MEGF10: variants seen among roughly 807,000 people sequenced by gnomAD.
MEGF10 encodes the protein multiple EGF like domains 10, also known as multiple epidermal growth factor-like domains protein 10.
Under a neutral mutation model 147.5 loss-of-function variants are expected in MEGF10, and 86 were observed. The observed-to-expected ratio is 0.58, with a 90% confidence interval of 0.49 to 0.70. MEGF10 has a LOEUF of 0.70. Ranked by LOEUF, MEGF10 falls within the 30% of genes least tolerant of loss-of-function variation. The pLI is 0.00. For synonymous variants in MEGF10, 478 were observed against 525.5 expected, an observed-to-expected ratio of 0.91 and a Z score of 1.24; for missense variants, 1,329 against 1,487.3, an observed-to-expected ratio of 0.89 and a Z score of 1.75.
At chr5:127,409,687 T>A (rs973805175) in intron 8 of MEGF10, 1 of 152,528 alleles carries the variant, frequency 6.6e-6, no homozygotes, top group Non-Finnish European at 1.5e-5. Context: ...TGGCAGCCCT[T>A]CTTCCCAACA....
chr5:127,429,947 G>C (rs146440724), intron 13 of MEGF10, among the ~76,000 whole-genome samples: 3 of 152,232 alleles, frequency 2.0e-5, no homozygotes, highest in African/African-American at 7.2e-5. Flanking sequence ...AACTCAACTT[G>C]GCCACTGCTT....
chr5:127,338,730 AC>A (rs1761561435), intron 2 of MEGF10, among the ~76,000 whole-genome samples: 2 of 152,116 alleles, frequency 1.3e-5, no homozygotes, highest in Admixed American at 1.3e-4. Flanking sequence ...TTGCTGAGTA[AC>A]ATTATTTGCA....
rs72788599 is a variant in MEGF10, at chr5:127,397,080, T to G, written c.659+302T>G. 0.11 allele frequency among the ~76,000 whole-genome samples: 16,089 copies of G among 152,146 alleles called. 939 individuals are homozygous for G. Among genetic ancestry groups the G allele is most frequent in the Non-Finnish European group, 0.13 (9,167 of 67,978 alleles). On this transcript the variant is annotated intron_variant, in intron 6 of 24. Transcript: ENST00000503335. The stretch of plus-strand genomic sequence containing the variant: ...GTGTTGAATGGCACTATTTGGGGGT[T>G]GTTGGGGCATATTTGGGATTCTGTT...
intron 5 of MEGF10, among the ~76,000 whole-genome samples, chr5:127,370,335 T>C (rs1159077165): frequency 6.6e-6 from 1 of 152,216 alleles, no homozygotes; most frequent in Non-Finnish European, 1.5e-5. Flanking sequence ...AACATAGCTA[T>C]TGTATCCTAA....
intron 1 of MEGF10, among the ~76,000 whole-genome samples, chr5:127,308,237 TA>T (rs1760105099): frequency 6.6e-6 from 1 of 152,200 alleles, no homozygotes; most frequent in South Asian, 2.1e-4. Context: ...GTGACTTTGT[TA>T]TGATGCAGAA....
At chr5:127,335,176 C>G (rs2126790915) in intron 2 of MEGF10, among the ~76,000 whole-genome samples, 1 of 152,186 alleles carries the variant, frequency 6.6e-6, no homozygotes, top group East Asian at 1.9e-4. Context: ...TTTAAAATTC[C>G]AGTTTCCCAC....
chr5:127,423,038 G>A (rs987763155), intron 13 of MEGF10, among the ~76,000 whole-genome samples: 8 of 152,140 alleles, frequency 5.3e-5, no homozygotes, highest in African/African-American at 1.7e-4. Flanking sequence ...GAATTGCTTT[G>A]AAGAGTTCAG....
Position 127,440,823 on chromosome 5 carries a change from A to G in MEGF10, c.2318A>G (p.Gln773Arg), listed in dbSNP as rs762566255. 3 of 1,614,172 alleles carry G rather than the reference A, an allele frequency of 1.9e-6. No individual in the cohort carries two copies. Among genetic ancestry groups the G allele is most frequent in the Non-Finnish European group, 2.5e-6 (3 of 1,179,982 alleles). The change falls in exon 18 of 25, where the codon CAG (glutamine) becomes CGG (arginine). Residue 773 changes from glutamine (Q) to arginine (R), a missense_variant. Physicochemically the swap from Gln to Arg is conservative, Grantham distance 43. Coordinates refer to ENST00000503335, the MANE Select transcript of MEGF10 (RefSeq NM_001256545.2). The part of the protein sequence containing the change: ...NGADCDHISG[Q>R]CTCRTGFMGR... The stretch of plus-strand genomic sequence containing the variant: ...GCTGACTGCGACCACATTTCTGGGC[A>G]GTGTACTTGCCGCACTGGATTCATG...
chr5:127,240,046 A>T, the MEGF10 span, among the ~76,000 whole-genome samples: 1 of 152,188 alleles, frequency 6.6e-6, no homozygotes, highest in African/African-American at 2.4e-5. Context: ...TTCAAAGTCT[A>T]TCGAGTATTT....
chr5:127,437,799 T>C (rs1205057087), intron 16 of MEGF10, among the ~76,000 whole-genome samples: 1 of 152,196 alleles, frequency 6.6e-6, no homozygotes, highest in Non-Finnish European at 1.5e-5. Flanking sequence ...GTGGCAACTC[T>C]AGAGTAGACT....
At chr5:127,295,429 C>A (rs535644289) in intron 1 of MEGF10, among the ~76,000 whole-genome samples, 1 of 152,336 alleles carries the variant, frequency 6.6e-6, no homozygotes, top group South Asian at 2.1e-4. Flanking sequence ...CTAATAACTT[C>A]TACCTTTGTC....
chr5:127,284,309 A>G, the MEGF10 span, among the ~76,000 whole-genome samples: 1 of 152,184 alleles, frequency 6.6e-6, no homozygotes, highest in African/African-American at 2.4e-5. Flanking sequence ...ACCTCTTCCA[A>G]TCTTGCCTGC....
intron 16 of MEGF10, among the ~76,000 whole-genome samples, chr5:127,437,241 C>CTAACAAA (rs1765583156): frequency 6.6e-6 from 1 of 152,222 alleles, no homozygotes; most frequent in Non-Finnish European, 1.5e-5. Flanking sequence ...CTGTATTTGT[C>CTAACAAA]TAACAAATAA....
the MEGF10 span, among the ~76,000 whole-genome samples, chr5:127,235,220 T>C: frequency 1.3e-5 from 2 of 148,526 alleles, no homozygotes; most frequent in African/African-American, 5.0e-5. Flanking sequence ...TTATTCAGAA[T>C]AAGAACTAGT....
At chr5:127,382,465 T>C (rs916065411) in intron 5 of MEGF10, among the ~76,000 whole-genome samples, 1 of 152,206 alleles carries the variant, frequency 6.6e-6, no homozygotes, top group Non-Finnish European at 1.5e-5. Flanking sequence ...TTGAACTTGA[T>C]GTTAGTATAT....
intron 1 of MEGF10, among the ~76,000 whole-genome samples, chr5:127,328,204 A>T (rs958961345): frequency 2.0e-5 from 3 of 152,112 alleles, no homozygotes; most frequent in Admixed American, 6.6e-5. Context: ...TATTTTCTCA[A>T]ACAGTTTTAA....
chr5:127,410,809 G>C (rs1453601739), intron 9 of MEGF10, among the ~76,000 whole-genome samples: 2 of 152,188 alleles, frequency 1.3e-5, no homozygotes, highest in Non-Finnish European at 2.9e-5. Flanking sequence ...ATTGTTCAAT[G>C]GTTACTGGTG....
Position 127,437,821 on chromosome 5 carries a change from G to C in MEGF10, c.2105-618G>C, listed in dbSNP as rs76097531. 9.7e-4 allele frequency among the ~76,000 whole-genome samples: 147 copies of C among 152,300 alleles called. No individual in the cohort carries two copies. In the South Asian group the frequency reaches 0.012, roughly 13 times the overall value. ...CTCTAGAGTAGACTGAAGGGTACAG[G>C]ATTTAGAAATTGTGAACATGAGCTA... On this transcript the variant is annotated intron_variant, in intron 16 of 24. Coordinates refer to ENST00000503335, the MANE Select transcript of MEGF10 (RefSeq NM_001256545.2).
chr5:127,416,862 A>G (rs1580842885), intron 9 of MEGF10, among the ~76,000 whole-genome samples: 1 of 152,218 alleles, frequency 6.6e-6, no homozygotes, highest in Non-Finnish European at 1.5e-5. Flanking sequence ...TAGAAAATCT[A>G]TGAACAGTCC....
Sources: gnomAD v4.1 joint callset for allele counts (sites outside exome capture counted in the v4.1 genomes callset) on GRCh38, gnomAD v4.1.1 for gene constraint, MANE v1.5 for transcripts, NCBI Gene and HGNC (gene_info 2026-07-23, HGNC 2026-07-21) for gene names.